The following VWA8 variants were observed in gnomAD, a reference collection of about 807,000 sequenced individuals.
VWA8 encodes the protein von Willebrand factor A domain containing 8, also known as von Willebrand factor A domain-containing protein 8.
Under a neutral mutation model 241.5 loss-of-function variants are expected in VWA8, and 221 were observed. The observed-to-expected ratio is 0.91, with a 90% CI of 0.82 to 1.02. The LOEUF (loss-of-function observed/expected upper bound fraction) is 1.02. Among genes scored for constraint, VWA8 ranks in the 50% least tolerant of loss-of-function variants. The pLI, the probability that VWA8 is intolerant of heterozygous loss-of-function variation, is 0.00. For missense variants in VWA8, 2,322 were observed against 2,328.7 expected, an observed-to-expected ratio of 1.00 and a Z score of 0.06; for synonymous variants, 852 against 827.1, an observed-to-expected ratio of 1.03 and a Z score of -0.52.
chr13:41,851,728 CTT>C (rs1463252610), intron 12 of VWA8, among the ~76,000 whole-genome samples: 1 of 152,046 alleles, frequency 6.6e-6, no homozygotes, highest in Non-Finnish European at 1.5e-5. Flanking sequence ...TCGGGTGTGT[CTT>C]TATCAGCAGT....
intron 35 of VWA8, among the ~76,000 whole-genome samples, chr13:41,683,562 T>C (rs765218245): frequency 2.0e-5 from 3 of 152,128 alleles, no homozygotes; most frequent in Non-Finnish European, 4.4e-5. Flanking sequence ...CAGAACTATA[T>C]GCTAGAAATG....
chr13:41,569,167 T>C (rs1412033212), intron 44 of VWA8, among the ~76,000 whole-genome samples: 2 of 152,164 alleles, frequency 1.3e-5, no homozygotes, highest in Non-Finnish European at 2.9e-5. Context: ...GTAAGCCAGC[T>C]AATTCTGCAA....
chr13:41,762,771 G>A (rs1242812823), intron 20 of VWA8, among the ~76,000 whole-genome samples: 13 of 152,052 alleles, frequency 8.5e-5, no homozygotes, highest in Admixed American at 5.2e-4. Flanking sequence ...TTTATTGAGC[G>A]CCACAGGGGG....
At chr13:41,757,906 A>G (rs2045705675) in intron 21 of VWA8, among the ~76,000 whole-genome samples, 2 of 151,728 alleles carry the variant, frequency 1.3e-5, no homozygotes, top group South Asian at 4.1e-4. Flanking sequence ...ATTGAGAAGA[A>G]TTATATTTAG....
intron 37 of VWA8, among the ~76,000 whole-genome samples, chr13:41,620,286 G>C (rs1162583346): frequency 6.6e-6 from 1 of 152,112 alleles, no homozygotes; most frequent in Non-Finnish European, 1.5e-5. Context: ...TCTGATGGTA[G>C]TTTGTATTTC....
chr13:41,762,417 G>C lies in VWA8; in HGVS notation c.2350-1213C>G, dbSNP rs113135325. Reference sequence around the variant, plus strand: ...CACATACAGGTAATTCTAGTGAAACGAGGACTCACATCCAGGTAATTCTAG... The same window carrying C: ...CACATACAGGTAATTCTAGTGAAACCAGGACTCACATCCAGGTAATTCTAG... On this transcript the variant is annotated intron_variant, in intron 20 of 44. Coordinates refer to ENST00000379310, the MANE Select transcript of VWA8 (RefSeq NM_015058.2). Among the ~76,000 whole-genome samples, 932 of 152,152 alleles carry C rather than the reference G, an allele frequency of 6.1e-3. 7 individuals are homozygous for C. Among genetic ancestry groups the C allele is most frequent in the African/African-American group, 0.021 (888 of 41,528 alleles).
chr13:41,726,283 T>C (rs891468374), intron 24 of VWA8, among the ~76,000 whole-genome samples: 1 of 152,336 alleles, frequency 6.6e-6, no homozygotes, highest in Admixed American at 6.5e-5. Context: ...AATGCTATAG[T>C]GCCTATCCTT....
chr13:41,705,464 C>T (rs1434121213), intron 26 of VWA8, among the ~76,000 whole-genome samples: 2 of 152,152 alleles, frequency 1.3e-5, no homozygotes, highest in Non-Finnish European at 2.9e-5. Flanking sequence ...CATTTGCTTT[C>T]AGCAGTTCAC....
At chr13:41,734,292 A>G (rs1259591462) in intron 21 of VWA8, among the ~76,000 whole-genome samples, 2 of 152,110 alleles carry the variant, frequency 1.3e-5, no homozygotes, top group Admixed American at 1.3e-4. Flanking sequence ...GAGCTGAGAT[A>G]GCACCACGGC....
intron 12 of VWA8, among the ~76,000 whole-genome samples, chr13:41,847,876 TCTAA>T (rs1445565557): frequency 6.6e-6 from 1 of 152,204 alleles, no homozygotes; most frequent in Non-Finnish European, 1.5e-5. Flanking sequence ...TGCAACATAC[TCTAA>T]CTACATATCT....
chr13:41,703,299 C>T lies in VWA8; in HGVS notation c.3225+4G>A, dbSNP rs778482957. The T allele has an allele frequency of 6.2e-7, 1 of 1,610,686 alleles. No individual in the cohort carries two copies. The highest frequency in any genetic ancestry group is 1.1e-5 in the South Asian group (1 of 90,942). ...TTTTAAGAGAGAATAATGATGATAT[C>T]AACCTTTATGTCTATATGATGAGTT... On this transcript the variant is annotated splice_donor_region_variant and intron_variant, in intron 27 of 44. Coordinates refer to ENST00000379310, the MANE Select transcript of VWA8 (RefSeq NM_015058.2).
At chr13:41,914,703 A>G (rs1363947356) in intron 2 of VWA8, among the ~76,000 whole-genome samples, 2 of 152,206 alleles carry the variant, frequency 1.3e-5, no homozygotes, top group Non-Finnish European at 2.9e-5. Context: ...TCTCAGCTTA[A>G]TTTGGCCACA....
intron 4 of VWA8, among the ~76,000 whole-genome samples, chr13:41,906,850 C>G (rs571039644): frequency 1.3e-5 from 2 of 152,230 alleles, no homozygotes; most frequent in African/African-American, 4.8e-5. Context: ...CTCATTAATA[C>G]TGGACATTAG....
At chr13:41,805,316 G>A (rs1870135268) in intron 17 of VWA8, among the ~76,000 whole-genome samples, 1 of 152,100 alleles carries the variant, frequency 6.6e-6, no homozygotes. Flanking sequence ...TATAAGAAGA[G>A]ACTAAGAAGA....
chr13:41,829,574 C>T (rs1449441970), intron 14 of VWA8, among the ~76,000 whole-genome samples: 1 of 151,678 alleles, frequency 6.6e-6, no homozygotes, highest in Non-Finnish European at 1.5e-5. Context: ...CACATGCACA[C>T]ACACACACAC....
chr13:41,683,917 C>T (rs1266079521), intron 35 of VWA8, among the ~76,000 whole-genome samples: 1 of 152,146 alleles, frequency 6.6e-6, no homozygotes, highest in African/African-American at 2.4e-5. Flanking sequence ...TGGTACATAA[C>T]TTCTTGTAAT....
At chr13:41,736,626 A>T (rs2045526734) in intron 21 of VWA8, among the ~76,000 whole-genome samples, 1 of 152,138 alleles carries the variant, frequency 6.6e-6, no homozygotes, top group South Asian at 2.1e-4. Context: ...TTTTTTAAGA[A>T]AAACAATAAT....
At chr13:41,676,659 T>C (rs1367662599) in intron 35 of VWA8, among the ~76,000 whole-genome samples, 5 of 152,066 alleles carry the variant, frequency 3.3e-5, no homozygotes, top group Admixed American at 6.5e-5. Context: ...GGAGACAGAG[T>C]CTCACTCTTG....
At chr13:41,784,721 T>TACAC (rs1377246531) in intron 18 of VWA8, among the ~76,000 whole-genome samples, 4 of 64,572 alleles carry the variant, frequency 6.2e-5, no homozygotes, top group African/African-American at 1.8e-4. Flanking sequence ...TATATATATA[T>TACAC]ATATATATAC....
Sources: gnomAD v4.1 joint callset for allele counts (sites outside exome capture counted in the v4.1 genomes callset) on GRCh38, gnomAD v4.1.1 for gene constraint, MANE v1.5 for transcripts, NCBI Gene and HGNC (gene_info 2026-07-23, HGNC 2026-07-21) for gene names.